Variants in SLC9A9 observed in about 807,000 individuals in gnomAD.
SLC9A9 encodes the protein solute carrier family 9 member A9.
SLC9A9 carries 62 observed loss-of-function variants against 77.8 expected under a neutral mutation model. That is an observed-to-expected ratio of 0.80 (90% CI 0.65 to 0.98). SLC9A9 has a LOEUF of 0.98. Ranked by LOEUF, SLC9A9 falls within the 50% of genes least tolerant of loss-of-function variation. SLC9A9 has a pLI of 0.00. For synonymous variants in SLC9A9, 320 were observed against 283.5 expected (o/e 1.13, Z -1.29); for missense variants, 775 against 774.9 (o/e 1.00, Z 0.00).
rs114685860 is a variant in SLC9A9 at position 143,413,195 on chromosome 3, G to A, written c.1470-31081C>T. On this transcript the variant is annotated intron_variant, in intron 12 of 15. Coordinates refer to ENST00000316549, the MANE Select transcript of SLC9A9 (RefSeq NM_173653.4). ...GCCTCCTTCTCAATTGCCTGGGAGT[G>A]TGAAGGCAGTAAAGCAGAAGATGGC... is the stretch of plus-strand genomic sequence containing the variant. Among the ~76,000 whole-genome samples, 442 of 152,310 alleles carry A rather than the reference G, an allele frequency of 2.9e-3. 3 individuals carry two copies. The highest frequency in any genetic ancestry group is 1.0e-2 in the African/African-American group (415 of 41,568).
intron 14 of SLC9A9, among the ~76,000 whole-genome samples, chr3:143,304,728 A>G (rs1399183513): frequency 1.3e-5 from 2 of 152,218 alleles, no homozygotes; most frequent in Non-Finnish European, 2.9e-5. Flanking sequence ...TCCCTCAGAC[A>G]TTCAAAATCC....
chr3:143,643,644 G>A (rs1380376597), intron 6 of SLC9A9, among the ~76,000 whole-genome samples: 2 of 152,152 alleles, frequency 1.3e-5, no homozygotes, highest in African/African-American at 4.8e-5. Context: ...TCTACATTTA[G>A]TAATGTTCGC....
rs1319795785 is a variant in SLC9A9 at position 143,634,917 on chromosome 3, A to G, written c.755+17338T>C. Among the ~76,000 whole-genome samples the G allele has an allele frequency of 3.3e-5, 5 of 152,284 alleles. No individual in the cohort carries two copies. The East Asian group carries it at 9.6e-4, about 29-fold the overall frequency. ...ATTATTTAAATAATTAAATAATAGT[A>G]CAGGGAAAGGGGTGAAATAGGGTAG... On this transcript the variant is annotated intron_variant, in intron 6 of 15. Transcript: ENST00000316549.
chr3:143,816,702 A>G (rs6769847), intron 2 of SLC9A9, among the ~76,000 whole-genome samples: 132,413 of 152,180 alleles, frequency 0.87, 58,694 homozygotes, highest in Middle Eastern at 0.96. Context: ...CTGGGGTATG[A>G]GGTATATAAA....
chr3:143,692,746 A>G (rs1933509784), intron 5 of SLC9A9, among the ~76,000 whole-genome samples: 2 of 152,184 alleles, frequency 1.3e-5, no homozygotes, highest in Non-Finnish European at 2.9e-5. Flanking sequence ...GGTTCCCTGC[A>G]CCACATTGGA....
chr3:143,376,873 A>C (rs2033191127), intron 13 of SLC9A9, among the ~76,000 whole-genome samples: 1 of 152,182 alleles, frequency 6.6e-6, no homozygotes, highest in South Asian at 2.1e-4. Flanking sequence ...AAAAGCTCTC[A>C]CCTGGGTCAC....
At chr3:143,272,154 A>G (rs868129903) in intron 14 of SLC9A9, among the ~76,000 whole-genome samples, 2 of 152,196 alleles carry the variant, frequency 1.3e-5, no homozygotes, top group African/African-American at 4.8e-5. Flanking sequence ...GTGGCATAAA[A>G]TAAGGTGATT....
At chr3:143,530,676 A>AAAAC (rs948423149) in intron 9 of SLC9A9, among the ~76,000 whole-genome samples, 23 of 152,178 alleles carry the variant, frequency 1.5e-4, no homozygotes, top group African/African-American at 5.3e-4. Context: ...CAAACAAACA[A>AAAAC]AAACCAAAAA....
intron 1 of SLC9A9, among the ~76,000 whole-genome samples, chr3:143,847,118 A>G (rs1402395568): frequency 1.3e-5 from 2 of 152,224 alleles, no homozygotes; most frequent in Non-Finnish European, 2.9e-5. Flanking sequence ...CCACAGGATT[A>G]GCATATACAA....
At chr3:143,532,718 C>A (rs1351602164) in intron 9 of SLC9A9, among the ~76,000 whole-genome samples, 1 of 152,164 alleles carries the variant, frequency 6.6e-6, no homozygotes, top group Non-Finnish European at 1.5e-5. Context: ...AATGGGATTT[C>A]TTCCAGCCCT....
chr3:143,683,432 T>C (rs1643884407), intron 5 of SLC9A9, among the ~76,000 whole-genome samples: 1 of 152,086 alleles, frequency 6.6e-6, no homozygotes, highest in Admixed American at 6.6e-5. Flanking sequence ...AATAATAGCA[T>C]TTTTAAAAAA....
At chr3:143,726,252 A>AAG (rs1243186321) in intron 4 of SLC9A9, among the ~76,000 whole-genome samples, 146 of 1,940 alleles carry the variant, frequency 0.075, 2 homozygotes, top group Admixed American at 0.2. Flanking sequence ...ATAAAAAAAG[A>AAG]AAAAAAAAAA....
chr3:143,695,399 T>C (rs1033321711), intron 4 of SLC9A9, among the ~76,000 whole-genome samples: 7 of 152,090 alleles, frequency 4.6e-5, no homozygotes, highest in African/African-American at 1.7e-4. Context: ...TGTGTTCTCA[T>C]TGTTCAGCTC....
chr3:143,532,611 G>GA (rs951178729), intron 9 of SLC9A9, among the ~76,000 whole-genome samples: 8 of 151,936 alleles, frequency 5.3e-5, no homozygotes, highest in East Asian at 1.9e-4. Context: ...ATATAAAAAG[G>GA]AAAAAAACCC....
chr3:143,661,086 C>A (rs775848947), intron 5 of SLC9A9, among the ~76,000 whole-genome samples: 1 of 152,008 alleles, frequency 6.6e-6, no homozygotes, highest in East Asian at 1.9e-4. Context: ...AGTGCAATCA[C>A]GGTGAAGAAT....
At chr3:143,813,487 C>T (rs1038929197) in intron 2 of SLC9A9, among the ~76,000 whole-genome samples, 1 of 152,172 alleles carries the variant, frequency 6.6e-6, no homozygotes, top group Non-Finnish European at 1.5e-5. Context: ...TCAGCCTCCT[C>T]CTCTGTTCAC....
intron 14 of SLC9A9, among the ~76,000 whole-genome samples, chr3:143,326,853 A>G (rs2031621983): frequency 6.6e-6 from 1 of 152,206 alleles, no homozygotes; most frequent in South Asian, 2.1e-4. Context: ...GCACTAAATA[A>G]ATATTTGTCA....
intron 4 of SLC9A9, among the ~76,000 whole-genome samples, chr3:143,741,273 C>T (rs1238210974): frequency 1.3e-5 from 2 of 151,968 alleles, no homozygotes; most frequent in African/African-American, 4.8e-5. Context: ...AGTGACTCTC[C>T]CCCCAAAAAA....
chr3:143,826,900 T>C (rs925423968), intron 2 of SLC9A9, among the ~76,000 whole-genome samples: 1 of 152,208 alleles, frequency 6.6e-6, no homozygotes, highest in African/African-American at 2.4e-5. Context: ...CCTGTGGTTC[T>C]TGTCCCACTT....
Sources: allele counts gnomAD v4.1 joint callset (sites outside exome capture counted in the v4.1 genomes callset), GRCh38; gene constraint gnomAD v4.1.1; transcripts MANE v1.5; gene names NCBI Gene and HGNC (gene_info 2026-07-23, HGNC 2026-07-21).